The following GPR108 variants were observed in gnomAD, a reference collection of about 807,000 sequenced individuals.
GPR108 encodes the protein G protein-coupled receptor 108.
A neutral mutation model predicts 74.3 loss-of-function variants in GPR108; 60 were observed. That is an observed-to-expected ratio of 0.81 (90% CI 0.66 to 1.00). The LOEUF is 1.00. GPR108 is among the 50% of genes least tolerant of loss of function. GPR108 has a pLI of 0.00. For missense variants in GPR108, 667 were observed against 703.3 expected (o/e 0.95, Z 0.58); for synonymous variants, 311 against 292.4 (o/e 1.06, Z -0.65).
Position 6,730,332 on chromosome 19 carries a change from T to G in GPR108, c.1612A>C (p.Ser538Arg). Residue 538 changes from serine to arginine, a missense_variant, in exon 18 of 18, where the codon AGC (serine) becomes CGC (arginine). Physicochemically the swap from Ser to Arg is moderately radical, Grantham distance 110 (BLOSUM62 -1). Coordinates refer to ENST00000264080, the MANE Select transcript of GPR108 (RefSeq NM_001080452.2). ...GGTGATCATAACAGTTCCCGCCCGC[T>G]GGCTGTTTTGTTGACTTTGGAGAGG... ...EGLSKVNKTA[S>R]GRELL 2 of 1,613,840 alleles carry G rather than the reference T, an allele frequency of 1.2e-6. No individual in the cohort carries two copies. The highest frequency in any genetic ancestry group is 1.7e-6 in the Non-Finnish European group (2 of 1,179,874).
At chr19:6,734,340 G>A (rs760214896) in intron 4 of GPR108, 33 bp from the exon 5 acceptor site, 1 of 1,604,368 alleles carries the variant, frequency 6.2e-7, no homozygotes, top group Non-Finnish European at 8.5e-7. Context: ...CATGAGGCTG[G>A]GGGGCTGAAC....
chr19:6,732,410 A>C (rs757273676), intron 11 of GPR108, 30 bp from the exon 12 acceptor site: 1 of 1,611,598 alleles, frequency 6.2e-7, no homozygotes, highest in African/African-American at 1.3e-5. Flanking sequence ...CGTGATGATG[A>C]GGTGGGGGGC....
intron 10 of GPR108, chr19:6,732,767 G>A (rs781608054): frequency 2.0e-5 from 13 of 655,268 alleles, no homozygotes; most frequent in African/African-American, 1.4e-4. Flanking sequence ...AATCAGAGAC[G>A]GACAGTCACA....
chr19:6,732,652 G>A (rs901933432), intron 10 of GPR108, 103 bp from the exon 11 acceptor site: 1 of 904,398 alleles, frequency 1.1e-6, no homozygotes. Flanking sequence ...TCAGATGGGT[G>A]GTCAGAAAGT....
intron 4 of GPR108, 58 bp downstream of exon 4, chr19:6,735,564 C>T: frequency 2.8e-6 from 4 of 1,425,048 alleles, no homozygotes; most frequent in Non-Finnish European, 4.0e-6. Flanking sequence ...TGCGTGTGGG[C>T]ATCACACCAG....
intron 1 of GPR108, 25 bp downstream of exon 1, chr19:6,737,432 C>T (rs1374723106): frequency 1.3e-6 from 2 of 1,585,522 alleles, no homozygotes; most frequent in Admixed American, 3.4e-5. Context: ...CCACCGACCC[C>T]AGACCCTCGC....
At position 6,737,229 on chromosome 19, in the gene GPR108, C is replaced by T. The variant is rs141594103; in HGVS notation, c.120+228G>A. The T allele has an allele frequency of 1.1e-3, 578 of 545,824 alleles. 1 individual carries two copies. The highest frequency in any genetic ancestry group is 7.2e-4 in the Admixed American group (19 of 26,460). 33.8% of individuals were successfully genotyped at this position (545,824 alleles called of 1,614,324 possible). ...GTGTAGTCCCCAAGAGATGGAGCCT[C>T]GCCCCCGAAGGGAGGGGGCCGACCC... On this transcript the variant is annotated intron_variant, in intron 1 of 17. Coordinates refer to ENST00000264080, the MANE Select transcript of GPR108 (RefSeq NM_001080452.2).
In GPR108 at chr19:6,732,992, GGAAGA is replaced by G. The variant is rs1968482667; in HGVS notation, c.923_927del (p.Leu308ProfsTer54). ...CCCCGGTCCAAGGCTCTCACGCTGT[GGAAGA>G]GGAGAGAGATGCTCTTGGTGAAGGC... On this transcript the variant is annotated frameshift_variant, in exon 10 of 18. Coordinates refer to ENST00000264080, the MANE Select transcript of GPR108 (RefSeq NM_001080452.2). LOFTEE classifies it high-confidence loss of function. The G allele has an allele frequency of 6.3e-7, 1 of 1,597,414 alleles. No homozygotes were observed.
At chr19:6,736,151 G>A (rs183772573) in intron 2 of GPR108, among the ~76,000 whole-genome samples, 193 bp from the exon 3 acceptor site, 2 of 152,302 alleles carry the variant, frequency 1.3e-5, no homozygotes, top group Admixed American at 6.5e-5. Context: ...CTGGAATACA[G>A]TGGCAGGATC....
In GPR108 at chr19:6,735,648, C is replaced by T; in HGVS notation, c.348G>A (p.Leu116=). Residue 116 remains leucine (L), a synonymous_variant, in exon 4 of 18, where the codon CTG becomes CTA. Transcript: ENST00000264080. The part of the protein sequence containing the change: ...LQKNSSSFLV[L]FLINTKDLQV... ...GCAGATCCTTGGTGTTGATGAGGAACAGGACCAGGAAACTGCTACTGTTTT... is the reference window on the plus strand; with the variant it reads ...GCAGATCCTTGGTGTTGATGAGGAATAGGACCAGGAAACTGCTACTGTTTT... 6.2e-7 allele frequency: 1 copy of T among 1,614,128 alleles called. No homozygotes were observed. Among genetic ancestry groups the T allele is most frequent in the Non-Finnish European group, 8.5e-7 (1 of 1,180,022 alleles).
chr19:6,733,411 C>T, intron 8 of GPR108, 110 bp from the exon 9 acceptor site: 1 of 1,304,910 alleles, frequency 7.7e-7, no homozygotes. Context: ...GGCCACTCAT[C>T]CACTCTGAGC....
chr19:6,736,582 G>A lies in GPR108; in HGVS notation c.240+10C>T. On this transcript the variant is annotated intron_variant, in intron 2 of 17. Transcript: ENST00000264080. The stretch of plus-strand genomic sequence containing the variant: ...TGCTCTCCTCCAGCAAACTCCTCAA[G>A]GTCCCTCACCAGCAGGGACTTCTCT... 2.5e-6 allele frequency: 4 copies of A among 1,612,154 alleles called. No individual in the cohort carries two copies. Among genetic ancestry groups the A allele is most frequent in the Non-Finnish European group, 3.4e-6 (4 of 1,179,170 alleles).
At chr19:6,735,823 G>C in intron 3 of GPR108, 85 bp downstream of exon 3, 1 of 1,527,948 alleles carries the variant, frequency 6.5e-7, no homozygotes, top group South Asian at 1.2e-5. Context: ...CAAAGAACAG[G>C]GGCCCTTGGG....
chr19:6,732,031 A>AT lies in GPR108; in HGVS notation c.1249_1250insA (p.Val417AspfsTer234). The AT allele has an allele frequency of 6.2e-7, 1 of 1,613,916 alleles. No individual in the cohort carries two copies. Among genetic ancestry groups the AT allele is most frequent in the South Asian group, 1.1e-5 (1 of 91,084 alleles). ...CCGGGGGCAGGGTCCTCACCAGACT[A>AT]CGGGGAACAGGATGGCACCACAGCA... On this transcript the variant is annotated frameshift_variant, in exon 13 of 18. Transcript: ENST00000264080. LOFTEE classifies it high-confidence loss of function.
At chr19:6,733,804 T>C in intron 7 of GPR108, 41 bp downstream of exon 7, 1 of 1,610,440 alleles carries the variant, frequency 6.2e-7, no homozygotes, top group Non-Finnish European at 8.5e-7. Context: ...GGTCCCGTGC[T>C]CTGGGGTGAC....
Position 6,732,784 on chromosome 19 carries a change from C to A in GPR108, c.933+203G>T, listed in dbSNP as rs988559982. Reference sequence around the variant, plus strand: ...TCAGAGACGGACAGTCACAGCTGAACCAAGGGACAGTGGTGGACAGAGCTG... The same window carrying A: ...TCAGAGACGGACAGTCACAGCTGAAACAAGGGACAGTGGTGGACAGAGCTG... On this transcript the variant is annotated intron_variant, in intron 10 of 17. Coordinates refer to ENST00000264080, the MANE Select transcript of GPR108 (RefSeq NM_001080452.2). 1.1e-5 allele frequency: 7 copies of A among 654,062 alleles called. No individual in the cohort carries two copies. The African/African-American group carries it at 1.2e-4, about 12-fold the overall frequency. The allele number at this position is 654,062 out of a possible 1,614,324, so 40.5% of individuals were successfully genotyped here.
chr19:6,729,939 T>C lies in GPR108; in HGVS notation c.*373A>G. 1 of 221,148 alleles carries C rather than the reference T, an allele frequency of 4.5e-6. No homozygotes were observed. Among genetic ancestry groups the C allele is most frequent in the Non-Finnish European group, 9.1e-6 (1 of 109,828 alleles). The allele number at this position is 221,148 out of a possible 1,614,324, so 13.7% of individuals were successfully genotyped here. ...TTACTGAATGAATATTTATTGAATA[T>C]ACAAAGACACGGACCCTGTGCCCGC... On this transcript the variant is annotated 3_prime_UTR_variant, in exon 18 of 18. Coordinates refer to ENST00000264080, the MANE Select transcript of GPR108 (RefSeq NM_001080452.2).
At chr19:6,737,383 C>A (rs1968684127) in intron 1 of GPR108, 74 bp downstream of exon 1, 3 of 1,501,568 alleles carry the variant, frequency 2.0e-6, no homozygotes, top group Middle Eastern at 2.2e-4. Flanking sequence ...GCGGACGAGA[C>A]CACTCCAAGC....
chr19:6,730,670 C>T, intron 17 of GPR108: 1 of 558,488 alleles, frequency 1.8e-6, no homozygotes. Flanking sequence ...GCAGCCCAGG[C>T]CCCACCCGTT....
Sources: allele counts gnomAD v4.1 joint callset (sites outside exome capture counted in the v4.1 genomes callset), GRCh38; gene constraint gnomAD v4.1.1; transcripts MANE v1.5; gene names NCBI Gene and HGNC (gene_info 2026-07-23, HGNC 2026-07-21).